The following ITIH1 variants were observed in gnomAD, a reference collection of about 807,000 sequenced individuals.
ITIH1 encodes inter-alpha-trypsin inhibitor heavy chain 1.
In ITIH1, 94 loss-of-function variants were observed where a neutral mutation model predicts 104.6. The observed-to-expected ratio is 0.90, with a 90% CI of 0.76 to 1.07. The LOEUF (loss-of-function observed/expected upper bound fraction) is 1.07. Among genes scored for constraint, ITIH1 ranks in the 50% least tolerant of loss-of-function variants. The pLI, the probability that ITIH1 is intolerant of heterozygous loss-of-function variation, is 0.00. For missense variants in ITIH1, 1,193 were observed against 1,181.4 expected (o/e 1.01, Z -0.14); for synonymous variants, 455 against 464.4 (o/e 0.98, Z 0.26).
chr3:52,791,976 CCTG>C lies in ITIH1; in HGVS notation c.*72_*74del. 1 of 1,534,230 alleles carries C rather than the reference CCTG, an allele frequency of 6.5e-7. No individual in the cohort carries two copies. Among genetic ancestry groups the C allele is most frequent in the Non-Finnish European group, 8.8e-7 (1 of 1,130,092 alleles). On this transcript the variant is annotated 3_prime_UTR_variant, in exon 22 of 22. Coordinates refer to ENST00000273283, the MANE Select transcript of ITIH1 (RefSeq NM_002215.4). ...GCAGAGGAGGAGGACGACATCCTGA[CCTG>C]CTGCTGAGGCTGTACCTCCTTGACT...
At chr3:52,782,298 C>A in intron 8 of ITIH1, 31 bp downstream of exon 8, 1 of 1,535,824 alleles carries the variant, frequency 6.5e-7, no homozygotes, top group Non-Finnish European at 9.0e-7. Flanking sequence ...GCTCACCCAG[C>A]AGAAGCTTCC....
In ITIH1 at chr3:52,788,253, T is replaced by C; in HGVS notation, c.2027T>C (p.Ile676Thr). 2 of 1,611,642 alleles carry C rather than the reference T, an allele frequency of 1.2e-6. No homozygotes were observed. The highest frequency in any genetic ancestry group is 3.4e-5 in the Admixed American group (2 of 59,590). ...CCAGTGGACACAGACCCTCACTTCA[T>C]CATCCACGTGCCCCAGAAAGAGGAC... ...VTGVDTDPHFIIHVPQKEDTL... is the reference protein window; with the variant it reads ...VTGVDTDPHFTIHVPQKEDTL... The change falls in exon 18 of 22, where the codon ATC becomes ACC. Residue 676 changes from isoleucine (I) to threonine (T), a missense_variant. Transcript: ENST00000273283.
chr3:52,784,406 G>T lies in ITIH1; in HGVS notation c.1336G>T (p.Val446Phe), dbSNP rs1699145986. ...CAATGTGGACTTTAACTTTCTGGAG[G>T]TCATGTCCATGGAGAACAACGGACG... ...GHNVDFNFLE[V>F]MSMENNGRAQ... The change falls in exon 11 of 22, where the codon GTC (valine) becomes TTC (phenylalanine). Residue 446 changes from valine (V) to phenylalanine (F), a missense_variant. Coordinates refer to ENST00000273283, the MANE Select transcript of ITIH1 (RefSeq NM_002215.4). 1 of 1,614,082 alleles carries T rather than the reference G, an allele frequency of 6.2e-7. No individual in the cohort carries two copies. Among genetic ancestry groups the T allele is most frequent in the Non-Finnish European group, 8.5e-7 (1 of 1,180,026 alleles).
At position 52,790,147 on chromosome 3, in the gene ITIH1, C is replaced by A. The variant is rs142189235; in HGVS notation, c.2321+293C>A. ...CATCCTCCCAGGCCCAGCAAAGAGG[C>A]CACCTCTTCCCCTCAGCCCTCCTGC... is the stretch of plus-strand genomic sequence containing the variant. On this transcript the variant is annotated intron_variant, in intron 19 of 21. Coordinates refer to ENST00000273283, the MANE Select transcript of ITIH1 (RefSeq NM_002215.4). The A allele has an allele frequency of 5.9e-4, 281 of 480,142 alleles. 1 individual carries two copies. The highest frequency in any genetic ancestry group is 5.1e-3 in the African/African-American group (261 of 51,664). 29.7% of individuals were successfully genotyped at this position (480,142 alleles called of 1,614,324 possible).
intron 19 of ITIH1, 25 bp downstream of exon 19, chr3:52,789,879 A>G: frequency 1.9e-6 from 3 of 1,610,774 alleles, no homozygotes; most frequent in Non-Finnish European, 1.7e-6. Context: ...CCTGGGCAAG[A>G]TGCAGGGGGA....
intron 18 of ITIH1, among the ~76,000 whole-genome samples, chr3:52,788,877 G>A (rs1300648017): frequency 2.6e-5 from 4 of 152,128 alleles, no homozygotes; most frequent in South Asian, 2.1e-4. Flanking sequence ...ATGCTCTTCC[G>A]TTGCCGCCTT....
At chr3:52,785,270 C>A (rs369562699) in intron 12 of ITIH1, 41 bp downstream of exon 12, 47 of 1,591,986 alleles carry the variant, frequency 3.0e-5, no homozygotes, top group East Asian at 4.5e-5. Context: ...CCAGGCAGCA[C>A]CCTAGAGGCT....
At chr3:52,788,719 A>G (rs781029495) in intron 18 of ITIH1, among the ~76,000 whole-genome samples, 18 of 151,822 alleles carry the variant, frequency 1.2e-4, no homozygotes, top group Non-Finnish European at 2.1e-4. Context: ...TGCCACCATG[A>G]CTGGTTTATT....
chr3:52,777,932 T>C, intron 1 of ITIH1, 65 bp from the exon 2 acceptor site: 1 of 1,603,770 alleles, frequency 6.2e-7, no homozygotes. Flanking sequence ...CTCCCATCCC[T>C]GAACTGGCAG....
rs1345409416 is a variant in ITIH1, at chr3:52,782,318, T to C, written c.930+51T>C. ...CCCAGCAGAAGCTTCCACAGCCCCATCACTCACCACATGCCAGTTTTGCTG... is the reference window on the plus strand; with the variant it reads ...CCCAGCAGAAGCTTCCACAGCCCCACCACTCACCACATGCCAGTTTTGCTG... On this transcript the variant is annotated intron_variant, in intron 8 of 21. Transcript: ENST00000273283. 5.0e-6 allele frequency: 7 copies of C among 1,394,732 alleles called. No homozygotes were observed. In the Admixed American group the frequency reaches 5.0e-5, roughly 10 times the overall value. 86.4% of individuals were successfully genotyped at this position (1,394,732 alleles called of 1,614,324 possible).
chr3:52,780,288 A>C lies in ITIH1; in HGVS notation c.593A>C (p.Glu198Ala). Residue 198 changes from glutamate to alanine, a missense_variant, in exon 6 of 22, where the codon GAG becomes GCG. Physicochemically the swap from Glu to Ala is moderately radical, Grantham distance 107. Transcript: ENST00000273283. ...TTGCAGATTGATGTGGACATCTTCGAGCCCCAGGGGATCAGCAAGCTGGAT... is the reference window on the plus strand; with the variant it reads ...TTGCAGATTGATGTGGACATCTTCGCGCCCCAGGGGATCAGCAAGCTGGAT... Reference protein sequence around the residue: ...HHFEIDVDIFEPQGISKLDAQ... With the variant: ...HHFEIDVDIFAPQGISKLDAQ... 1 of 1,613,674 alleles carries C rather than the reference A, an allele frequency of 6.2e-7. No individual in the cohort carries two copies. Among genetic ancestry groups the C allele is most frequent in the South Asian group, 1.1e-5 (1 of 91,036 alleles).
chr3:52,777,621 C>T lies in ITIH1; in HGVS notation c.6C>T (p.Asp2=), dbSNP rs369079191. 73 of 1,578,820 alleles carry T rather than the reference C, an allele frequency of 4.6e-5. 1 individual carries two copies. Among genetic ancestry groups the T allele is most frequent in the South Asian group, 2.7e-4 (23 of 84,152 alleles). Residue 2 remains aspartate (D), a synonymous_variant, in exon 1 of 22, where the codon GAC becomes GAT. Coordinates refer to ENST00000273283, the MANE Select transcript of ITIH1 (RefSeq NM_002215.4). M[D]GAMGPRGLLL... ...GGCAGCAGGAGCCTTAGAGCATGGA[C>T]GGTGCCATGGGGCCTCGGGGGCTGC...
chr3:52,784,441 AATCT>A lies in ITIH1; in HGVS notation c.1373_1376del (p.Ile458ThrfsTer17). The A allele has an allele frequency of 6.2e-7, 1 of 1,614,072 alleles. No homozygotes were observed. Among genetic ancestry groups the A allele is most frequent in the Non-Finnish European group, 8.5e-7 (1 of 1,179,968 alleles). On this transcript the variant is annotated frameshift_variant, in exon 11 of 22. Transcript: ENST00000273283. LOFTEE classifies it high-confidence loss of function. The stretch of plus-strand genomic sequence containing the variant: ...TGGAGAACAACGGACGGGCCCAGAG[AATCT>A]ACGAGGACCATGATGCCACCCAGCA...
chr3:52,779,790 T>C lies in ITIH1; in HGVS notation c.573+196T>C. 9.5e-7 allele frequency: 1 copy of C among 1,057,776 alleles called. No homozygotes were observed. The highest frequency in any genetic ancestry group is 1.3e-6 in the Non-Finnish European group (1 of 749,598). 65.5% of individuals were successfully genotyped at this position (1,057,776 alleles called of 1,614,324 possible). The stretch of plus-strand genomic sequence containing the variant: ...AATTCTCTAACTTCCTCTTTATCTC[T>C]GAGCTTCGGTTTGCTCATCTGCTAG... On this transcript the variant is annotated intron_variant, in intron 5 of 21. Transcript: ENST00000273283. This position sits in a 1 kb window ranked among gnomAD's most constrained non-coding sequence, Gnocchi z 4.4.
At chr3:52,784,553 G>A in intron 11 of ITIH1, 76 bp downstream of exon 11, 3 of 1,419,868 alleles carry the variant, frequency 2.1e-6, no homozygotes, top group Non-Finnish European at 2.9e-6. Flanking sequence ...TTGCCCATCA[G>A]CCTAGAGGAG....
In ITIH1 at chr3:52,784,426, C is replaced by G; in HGVS notation, c.1356C>G (p.Asn452Lys). 1 of 1,614,154 alleles carries G rather than the reference C, an allele frequency of 6.2e-7. No homozygotes were observed. The change falls in exon 11 of 22, where the codon AAC becomes AAG. Residue 452 changes from asparagine (N) to lysine (K), a missense_variant. Coordinates refer to ENST00000273283, the MANE Select transcript of ITIH1 (RefSeq NM_002215.4). ...TGGAGGTCATGTCCATGGAGAACAACGGACGGGCCCAGAGAATCTACGAGG... is the reference window on the plus strand; with the variant it reads ...TGGAGGTCATGTCCATGGAGAACAAGGGACGGGCCCAGAGAATCTACGAGG... ...NFLEVMSMEN[N>K]GRAQRIYEDH...
chr3:52,790,664 G>T (rs954939625), intron 19 of ITIH1, 85 bp from the exon 20 acceptor site: 23 of 1,417,874 alleles, frequency 1.6e-5, no homozygotes, highest in Non-Finnish European at 2.3e-5. Flanking sequence ...TGGTCATAAG[G>T]GTTGGGTCCC....
In ITIH1 at chr3:52,779,356, C is replaced by A; in HGVS notation, c.411-76C>A. 6.9e-7 allele frequency: 1 copy of A among 1,440,840 alleles called. No individual in the cohort carries two copies. Among genetic ancestry groups the A allele is most frequent in the Non-Finnish European group, 9.8e-7 (1 of 1,023,472 alleles). The allele number at this position is 1,440,840 out of a possible 1,614,324, so 89.3% of individuals were successfully genotyped here. A position where few individuals can be genotyped will look rare whatever the true frequency, so the allele number is the denominator to read the frequency against. On this transcript the variant is annotated intron_variant, in intron 4 of 21. Coordinates refer to ENST00000273283, the MANE Select transcript of ITIH1 (RefSeq NM_002215.4). This position sits in a 1 kb window ranked among gnomAD's most constrained non-coding sequence, Gnocchi z 4.4. ...ATCTAAGAGAAATAAATTCTGTGGG[C>A]CACATGTTAGGTGACAAGGACCCAA...
At chr3:52,778,091 G>A in intron 2 of ITIH1, 74 bp downstream of exon 2, 6 of 1,540,624 alleles carry the variant, frequency 3.9e-6, no homozygotes, top group Admixed American at 1.7e-5. Context: ...ACCTGTCAGG[G>A]GTGGACCCCT....
Sources: gnomAD v4.1 joint callset for allele counts (sites outside exome capture counted in the v4.1 genomes callset) on GRCh38, gnomAD v4.1.1 for gene constraint, Gnocchi (gnomAD v3.1) non-coding constraint, MANE v1.5 for transcripts, NCBI Gene and HGNC (gene_info 2026-07-23, HGNC 2026-07-21) for gene names.